Variants in BACH2 observed in about 807,000 individuals in gnomAD.
The protein encoded by BACH2 is transcription regulator protein BACH2.
A neutral mutation model predicts 61.8 loss-of-function variants in BACH2; 5 were observed. The ratio of observed to expected loss-of-function variants is 0.08; its 90% CI spans 0.04 to 0.17. The LOEUF is 0.17. Among genes scored for constraint, BACH2 ranks in the 10% least tolerant of loss-of-function variants. The probability of loss-of-function intolerance (pLI) is 1.00; values close to 1 mark genes in which losing one functional copy is unlikely to be tolerated. For missense variants in BACH2, 824 were observed against 1,091.1 expected, an observed-to-expected ratio of 0.76 and a Z score of 3.45; for synonymous variants, 446 against 440.1, an observed-to-expected ratio of 1.01 and a Z score of -0.17.
intron 3 of BACH2, among the ~76,000 whole-genome samples, chr6:90,232,551 T>G (rs1193063493): frequency 6.6e-6 from 1 of 152,204 alleles, no homozygotes; most frequent in Non-Finnish European, 1.5e-5. Flanking sequence ...TTATCAATCT[T>G]GAAATAATCC....
At position 89,951,257 on chromosome 6, in the gene BACH2, C is replaced by G; in HGVS notation, c.849G>C (p.Glu283Asp). 3 of 1,614,212 alleles carry G rather than the reference C, an allele frequency of 1.9e-6. No individual in the cohort carries two copies. Among genetic ancestry groups the G allele is most frequent in the Non-Finnish European group, 2.5e-6 (3 of 1,180,048 alleles). The change falls in exon 7 of 9, where the codon GAG becomes GAC. Residue 283 changes from glutamate (E) to aspartate (D), a missense_variant. Glu to Asp is a conservative substitution (Grantham distance 45). Around this residue, in one of 8 missense-constraint regions of BACH2, gnomAD observed 226 missense variants for 228.5 expected, o/e 0.99. Coordinates refer to ENST00000257749, the MANE Select transcript of BACH2 (RefSeq NM_021813.4). This position sits in a 1 kb window ranked among gnomAD's most constrained non-coding sequence, Gnocchi z 6.4. ...AGAGCGTGATGCTCTCTTCCTCATTCTCTTCACTGGGCGGCTCACTTTTAA... is the reference window on the plus strand; with the variant it reads ...AGAGCGTGATGCTCTCTTCCTCATTGTCTTCACTGGGCGGCTCACTTTTAA... ...GQIKSEPPSE[E>D]NEEESITLCL...
intron 5 of BACH2, among the ~76,000 whole-genome samples, chr6:90,082,570 GTTAA>G (rs1781769636): frequency 6.6e-6 from 1 of 152,068 alleles, no homozygotes; most frequent in African/African-American, 2.4e-5. Flanking sequence ...TTTGGAATTA[GTTAA>G]TTAGTTTCTT....
At chr6:89,989,573 G>A (rs1776430950) in intron 6 of BACH2, among the ~76,000 whole-genome samples, 1 of 152,110 alleles carries the variant, frequency 6.6e-6, no homozygotes, top group Admixed American at 6.6e-5. Flanking sequence ...GGAGCATGTT[G>A]GCAGCATGCA....
chr6:89,941,215 G>A (rs1044566182), intron 7 of BACH2, among the ~76,000 whole-genome samples: 4 of 152,158 alleles, frequency 2.6e-5, no homozygotes, highest in African/African-American at 9.7e-5. Flanking sequence ...CACGAGTCCC[G>A]GCTGCCGGCA....
At chr6:90,190,560 C>T (rs1451059714) in intron 4 of BACH2, among the ~76,000 whole-genome samples, 1 of 152,142 alleles carries the variant, frequency 6.6e-6, no homozygotes, top group Non-Finnish European at 1.5e-5. Context: ...GAAACAAAAC[C>T]CATTTATTTT....
At chr6:90,182,257 G>A (rs1292813997) in intron 4 of BACH2, among the ~76,000 whole-genome samples, 2 of 152,124 alleles carry the variant, frequency 1.3e-5, no homozygotes, top group Non-Finnish European at 2.9e-5. Flanking sequence ...AATTAAAAAT[G>A]GAAACATATT....
intron 5 of BACH2, among the ~76,000 whole-genome samples, chr6:90,072,078 C>T (rs1477378789): frequency 1.3e-5 from 2 of 152,200 alleles, no homozygotes; most frequent in South Asian, 2.1e-4. Context: ...AAAAAATCCA[C>T]GTATATGTGG....
chr6:89,944,369 G>T (rs1335981926), intron 7 of BACH2, among the ~76,000 whole-genome samples: 2 of 152,218 alleles, frequency 1.3e-5, no homozygotes, highest in African/African-American at 4.8e-5. Context: ...TCTGTCACAT[G>T]GTTTCGTCTT....
At chr6:90,133,904 G>A (rs1277328621) in intron 4 of BACH2, among the ~76,000 whole-genome samples, 4 of 152,150 alleles carry the variant, frequency 2.6e-5, no homozygotes, top group East Asian at 1.9e-4. Flanking sequence ...GTATTCCATG[G>A]TGTATATGTG....
intron 5 of BACH2, among the ~76,000 whole-genome samples, chr6:90,039,670 C>A (rs560972194): frequency 3.3e-5 from 5 of 152,296 alleles, no homozygotes; most frequent in African/African-American, 1.2e-4. Context: ...AGGCATAAGC[C>A]ACTGCGCCTG....
At chr6:90,137,979 A>C (rs1020159625) in intron 4 of BACH2, among the ~76,000 whole-genome samples, 1 of 152,018 alleles carries the variant, frequency 6.6e-6, no homozygotes, top group African/African-American at 2.4e-5. Context: ...AAACATAAGA[A>C]GTGGTGACAG....
intron 6 of BACH2, among the ~76,000 whole-genome samples, chr6:90,007,437 G>A (rs1007587373): frequency 3.3e-5 from 5 of 152,126 alleles, no homozygotes; most frequent in Admixed American, 3.3e-4. Context: ...GAGTAGCTGG[G>A]GCTACAGGTG....
intron 4 of BACH2, among the ~76,000 whole-genome samples, chr6:90,177,449 T>TA (rs1224689074): frequency 6.6e-6 from 1 of 152,238 alleles, no homozygotes; most frequent in Non-Finnish European, 1.5e-5. Flanking sequence ...TATTTATAAT[T>TA]ACCTCTTTTA....
At chr6:90,296,087 C>G (rs1336146679) in intron 1 of BACH2, among the ~76,000 whole-genome samples, 8 of 152,162 alleles carry the variant, frequency 5.3e-5, no homozygotes, top group South Asian at 4.1e-4. Flanking sequence ...GGTCTGACAG[C>G]TGCTGCGGCT....
intron 5 of BACH2, among the ~76,000 whole-genome samples, chr6:90,032,107 A>T (rs1388368913): frequency 6.6e-6 from 1 of 152,170 alleles, no homozygotes; most frequent in Middle Eastern, 3.2e-3. Context: ...CAATGGGGAA[A>T]GGATTCCCTA....
chr6:89,998,170 T>TA (rs1776953398), intron 6 of BACH2, among the ~76,000 whole-genome samples: 1 of 23,084 alleles, frequency 4.3e-5, no homozygotes, highest in African/African-American at 7.4e-5. Context: ...ATCCCAGCAT[T>TA]TTTTTTTTTC....
At chr6:90,196,349 G>A (rs140095517) in intron 4 of BACH2, among the ~76,000 whole-genome samples, 1 of 152,250 alleles carries the variant, frequency 6.6e-6, no homozygotes, top group East Asian at 1.9e-4. Context: ...ATTCCTTTGT[G>A]TATCAGGCCT....
intron 4 of BACH2, among the ~76,000 whole-genome samples, chr6:90,155,227 T>A (rs1371605520): frequency 6.6e-6 from 1 of 152,180 alleles, no homozygotes; most frequent in Admixed American, 6.5e-5. Flanking sequence ...AATCTATCAC[T>A]GTTATGGGCT....
intron 6 of BACH2, among the ~76,000 whole-genome samples, chr6:89,966,545 A>G (rs1163241707): frequency 1.3e-5 from 2 of 152,160 alleles, no homozygotes; most frequent in Non-Finnish European, 2.9e-5. Flanking sequence ...TCCAACACCC[A>G]CGCCCCTGAA....
Sources: gnomAD v4.1 joint callset for allele counts (sites outside exome capture counted in the v4.1 genomes callset) on GRCh38, gnomAD v4.1.1 for gene constraint, gnomAD v4.1.1 regional missense constraint, Gnocchi (gnomAD v3.1) non-coding constraint, MANE v1.5 for transcripts, NCBI Gene and HGNC (gene_info 2026-07-23, HGNC 2026-07-21) for gene names.